TPRG1: variants seen among roughly 807,000 people sequenced by gnomAD.
The protein encoded by TPRG1 is tumor protein p63-regulated gene 1 protein.
Under a neutral mutation model 29.3 loss-of-function variants are expected in TPRG1, and 29 were observed. The observed-to-expected ratio is 0.99, with a 90% CI of 0.74 to 1.35. TPRG1 has a LOEUF of 1.35. Ranked by LOEUF, TPRG1 falls within the 40% of genes most tolerant of loss-of-function variation. The pLI, the probability that TPRG1 is intolerant of heterozygous loss-of-function variation, is 0.00. For synonymous variants in TPRG1, 130 were observed against 116.8 expected, an observed-to-expected ratio of 1.11 and a Z score of -0.73; for missense variants, 327 against 335.0, an observed-to-expected ratio of 0.98 and a Z score of 0.19.
At chr3:189,261,206 T>C (rs1712967376) in intron 4 of TPRG1, among the ~76,000 whole-genome samples, 1 of 151,942 alleles carries the variant, frequency 6.6e-6, no homozygotes, top group Non-Finnish European at 1.5e-5. Flanking sequence ...GAGGGAGGTG[T>C]GTGTGATGTT....
chr3:189,299,853 G>C (rs1720559172), intron 4 of TPRG1, among the ~76,000 whole-genome samples: 1 of 152,202 alleles, frequency 6.6e-6, no homozygotes, highest in Admixed American at 6.5e-5. Context: ...AAGTGGAATG[G>C]TTTGGTTGGA....
At chr3:189,134,122 A>C (rs1723435041) in intron 3 of TPRG1, among the ~76,000 whole-genome samples, 1 of 152,086 alleles carries the variant, frequency 6.6e-6, no homozygotes, top group South Asian at 2.1e-4. Context: ...TGGTCTTTGA[A>C]AGTAGTGACA....
chr3:189,153,043 G>C (rs556970795), intron 5 of TPRG1, among the ~76,000 whole-genome samples: 3 of 152,330 alleles, frequency 2.0e-5, no homozygotes, highest in African/African-American at 7.2e-5. Context: ...ATCAGACAAA[G>C]AGACCTGAAA....
chr3:189,159,892 G>A (rs1167714105), intron 5 of TPRG1, among the ~76,000 whole-genome samples: 1 of 151,114 alleles, frequency 6.6e-6, no homozygotes, highest in Non-Finnish European at 1.5e-5. Context: ...GGGTTCACGA[G>A]CTGCAAAGAT....
intron 4 of TPRG1, among the ~76,000 whole-genome samples, chr3:189,067,256 C>A (rs1394224666): frequency 6.6e-6 from 1 of 152,102 alleles, no homozygotes; most frequent in Non-Finnish European, 1.5e-5. Context: ...CCAAAGCAAT[C>A]TATAGATTCA....
At chr3:189,194,946 G>T (rs1279421149) in intron 1 of TPRG1, among the ~76,000 whole-genome samples, 3 of 152,086 alleles carry the variant, frequency 2.0e-5, no homozygotes, top group South Asian at 2.1e-4. Flanking sequence ...CACTCTAGGG[G>T]GCTAGTCCAG....
intron 1 of TPRG1, among the ~76,000 whole-genome samples, chr3:189,112,737 C>G (rs994629256): frequency 6.6e-6 from 1 of 152,092 alleles, no homozygotes; most frequent in Non-Finnish European, 1.5e-5. Context: ...TGATCTATAT[C>G]TCTGTTTTGG....
intron 3 of TPRG1, among the ~76,000 whole-genome samples, chr3:189,216,296 T>C (rs1161778144): frequency 1.3e-5 from 2 of 152,148 alleles, no homozygotes; most frequent in Non-Finnish European, 2.9e-5. Context: ...TAATCATTAA[T>C]CTTTAACTGC....
At position 189,046,697 on chromosome 3, in the gene TPRG1, C is replaced by T. The variant is rs535893287; in HGVS notation, c.-463+22751C>T. ...TGCATTATACTTTTCCTGTAGTATACGTTTCCTTCTCTAAAAGATTTACTG... is the reference window on the plus strand; with the variant it reads ...TGCATTATACTTTTCCTGTAGTATATGTTTCCTTCTCTAAAAGATTTACTG... On this transcript the variant is annotated intron_variant, in intron 4 of 10. Transcript: ENST00000433971. Among the ~76,000 whole-genome samples the T allele has an allele frequency of 6.6e-5, 10 of 151,594 alleles. No individual in the cohort carries two copies. In the East Asian group the frequency reaches 1.2e-3, roughly 18 times the overall value.
intron 3 of TPRG1, among the ~76,000 whole-genome samples, chr3:189,011,327 C>G (rs1356620388): frequency 6.6e-6 from 1 of 152,114 alleles, no homozygotes; most frequent in Non-Finnish European, 1.5e-5. Context: ...ATGAGAATAG[C>G]ATTGAATCTA....
intron 4 of TPRG1, among the ~76,000 whole-genome samples, chr3:189,248,458 A>G (rs1240459701): frequency 6.6e-6 from 1 of 151,160 alleles, no homozygotes; most frequent in Non-Finnish European, 1.5e-5. Context: ...TTTCTCATTC[A>G]TTATTTTCTA....
intron 4 of TPRG1, among the ~76,000 whole-genome samples, chr3:189,290,276 A>C (rs1718778466): frequency 6.6e-6 from 1 of 152,160 alleles, no homozygotes; most frequent in Non-Finnish European, 1.5e-5. Flanking sequence ...TATATGTCCC[A>C]TCCTTCCTCT....
At chr3:189,230,160 G>A (rs1738411185) in intron 3 of TPRG1, among the ~76,000 whole-genome samples, 1 of 152,154 alleles carries the variant, frequency 6.6e-6, no homozygotes. Context: ...AGAGAAGGAT[G>A]GGGGCGTGCC....
intron 5 of TPRG1, among the ~76,000 whole-genome samples, chr3:189,153,449 G>A (rs1365250466): frequency 6.6e-6 from 1 of 152,146 alleles, no homozygotes; most frequent in Non-Finnish European, 1.5e-5. Context: ...GAAGAATTAT[G>A]TAAAATTTGC....
At chr3:189,169,940 G>A (rs1373758175), upstream of TPRG1, among the ~76,000 whole-genome samples, 1 of 152,184 alleles carries the variant, frequency 6.6e-6, no homozygotes, top group Admixed American at 6.5e-5. Context: ...GTTACTGCAG[G>A]CTGCAGTATG....
intron 1 of TPRG1, among the ~76,000 whole-genome samples, chr3:189,198,324 CTA>C (rs1368397535): frequency 2.0e-5 from 3 of 152,174 alleles, no homozygotes; most frequent in African/African-American, 7.2e-5. Flanking sequence ...TCTTCTGTCT[CTA>C]TGGTGTTTTG....
At chr3:189,318,693 C>G (rs1473167051) in intron 5 of TPRG1, among the ~76,000 whole-genome samples, 1 of 152,072 alleles carries the variant, frequency 6.6e-6, no homozygotes, top group Admixed American at 6.6e-5. Context: ...TACCTGCTGT[C>G]CCAACATTAT....
At chr3:189,230,262 A>G in intron 3 of TPRG1, among the ~76,000 whole-genome samples, 1 of 152,142 alleles carries the variant, frequency 6.6e-6, no homozygotes, top group East Asian at 1.9e-4. Flanking sequence ...TGTAAGGAAA[A>G]TAAGTGGGAA....
intron 4 of TPRG1, among the ~76,000 whole-genome samples, chr3:189,088,838 A>G (rs1296845466): frequency 1.3e-5 from 2 of 152,208 alleles, no homozygotes; most frequent in African/African-American, 4.8e-5. Flanking sequence ...AGTAAGTAAT[A>G]TATCTTTTTC....
Sources: allele counts gnomAD v4.1 joint callset (sites outside exome capture counted in the v4.1 genomes callset), GRCh38; gene constraint gnomAD v4.1.1; transcripts MANE v1.5; gene names NCBI Gene and HGNC (gene_info 2026-07-23, HGNC 2026-07-21).